The following IPMK variants were observed in gnomAD, a reference collection of about 807,000 sequenced individuals.
The protein encoded by IPMK is inositol 1,3,4,6-tetrakisphosphate 5-kinase.
A neutral mutation model predicts 45.8 loss-of-function variants in IPMK; 17 were observed. The observed-to-expected ratio is 0.37, with a 90% CI of 0.25 to 0.56. IPMK has a LOEUF of 0.56. Among genes scored for constraint, IPMK ranks in the 20% least tolerant of loss-of-function variants. The probability of loss-of-function intolerance (pLI) is 0.79; values close to 1 mark genes in which losing one functional copy is unlikely to be tolerated. For synonymous variants in IPMK, 180 were observed against 184.3 expected (o/e 0.98, Z 0.19); for missense variants, 399 against 498.0 (o/e 0.80, Z 1.89).
intron 4 of IPMK, among the ~76,000 whole-genome samples, chr10:58,203,594 G>A (rs1038984526): frequency 6.6e-6 from 1 of 152,226 alleles, no homozygotes; most frequent in African/African-American, 2.4e-5. Flanking sequence ...GGGATTACTG[G>A]CATAAGCCAC....
intron 3 of IPMK, among the ~76,000 whole-genome samples, 192 bp from the exon 4 acceptor site, chr10:58,216,509 C>T (rs559150950): frequency 6.6e-6 from 1 of 150,888 alleles, no homozygotes; most frequent in African/African-American, 2.4e-5. Flanking sequence ...ATAAACATCA[C>T]AGAGAAGCTC....
chr10:58,230,913 G>A (rs1838506368), intron 2 of IPMK, among the ~76,000 whole-genome samples: 1 of 152,162 alleles, frequency 6.6e-6, no homozygotes, highest in African/African-American at 2.4e-5. Flanking sequence ...CCATCGTAAG[G>A]AAGCTAAAAA....
At chr10:58,256,173 C>A (rs184684074) in intron 1 of IPMK, among the ~76,000 whole-genome samples, 1 of 152,122 alleles carries the variant, frequency 6.6e-6, no homozygotes, top group African/African-American at 2.4e-5. Context: ...TGACTGCCTG[C>A]GGGGCCAGGC....
chr10:58,206,074 A>G (rs920633919), intron 4 of IPMK, among the ~76,000 whole-genome samples: 1 of 152,246 alleles, frequency 6.6e-6, no homozygotes, highest in Non-Finnish European at 1.5e-5. Flanking sequence ...ATGAATGGAT[A>G]AACAAAATGT....
intron 2 of IPMK, among the ~76,000 whole-genome samples, chr10:58,233,032 A>C (rs1838549359): frequency 6.6e-6 from 1 of 152,240 alleles, no homozygotes; most frequent in Non-Finnish European, 1.5e-5. Flanking sequence ...ACCATCAGAG[A>C]ATACGATAAA....
chr10:58,261,043 G>T (rs369006920), intron 1 of IPMK, among the ~76,000 whole-genome samples: 1 of 149,436 alleles, frequency 6.7e-6, no homozygotes, highest in East Asian at 1.9e-4. Context: ...GGATAAACAA[G>T]CCAATGAAAA....
At chr10:58,245,264 G>GC (rs1289914138) in intron 1 of IPMK, among the ~76,000 whole-genome samples, 1 of 151,362 alleles carries the variant, frequency 6.6e-6, no homozygotes, top group Non-Finnish European at 1.5e-5. Context: ...AATGATAGCT[G>GC]CCAGGGGCCA....
chr10:58,198,421 T>G (rs1445308368), intron 5 of IPMK, among the ~76,000 whole-genome samples: 1 of 152,216 alleles, frequency 6.6e-6, no homozygotes, highest in Non-Finnish European at 1.5e-5. Context: ...GGACAGAAAC[T>G]ATTAAAAGAT....
At chr10:58,199,995 G>A (rs1356170313) in intron 4 of IPMK, among the ~76,000 whole-genome samples, 1 of 152,056 alleles carries the variant, frequency 6.6e-6, no homozygotes, top group Non-Finnish European at 1.5e-5. Context: ...TGTAAAAGAA[G>A]ATATCTTTAA....
intron 1 of IPMK, among the ~76,000 whole-genome samples, chr10:58,244,056 C>T (rs1396691851): frequency 6.6e-6 from 1 of 151,822 alleles, no homozygotes; most frequent in Non-Finnish European, 1.5e-5. Flanking sequence ...CTCTGCCCGG[C>T]CGCTCTTCGT....
At chr10:58,208,682 G>A (rs947482425) in intron 4 of IPMK, among the ~76,000 whole-genome samples, 7 of 152,292 alleles carry the variant, frequency 4.6e-5, no homozygotes, top group Admixed American at 1.3e-4. Context: ...GTGTGTGGGT[G>A]AGTTCACTGT....
Position 58,196,567 on chromosome 10 carries a change from G to A in IPMK, c.760C>T (p.Leu254Phe). Reference sequence around the variant, plus strand: ...TGAGATGAACCTTCATAAACAAAGAGTAATGAACTTGCGTAAAAATTAAGC... The same window carrying A: ...TGAGATGAACCTTCATAAACAAAGAATAATGAACTTGCGTAAAAATTAAGC... ...KQLNFYASSL[L>F]FVYEGSSQPT... is the part of the protein sequence containing the mutation. Residue 254 changes from leucine to phenylalanine, a missense_variant, in exon 6 of 6, where the codon CTC becomes TTC. Physicochemically the swap from Leu to Phe is conservative, Grantham distance 22 (BLOSUM62 0). Coordinates refer to ENST00000373935, the MANE Select transcript of IPMK (RefSeq NM_152230.5). 1 of 1,614,070 alleles carries A rather than the reference G, an allele frequency of 6.2e-7. No homozygotes were observed. The highest frequency in any genetic ancestry group is 8.5e-7 in the Non-Finnish European group (1 of 1,180,020).
At chr10:58,198,146 C>T (rs563970358) in intron 5 of IPMK, among the ~76,000 whole-genome samples, 1 of 151,922 alleles carries the variant, frequency 6.6e-6, no homozygotes, top group Non-Finnish European at 1.5e-5. Context: ...TACTAAATAC[C>T]AAACCATAAC....
At chr10:58,211,545 G>A (rs1838159436) in intron 4 of IPMK, among the ~76,000 whole-genome samples, 1 of 151,878 alleles carries the variant, frequency 6.6e-6, no homozygotes, top group South Asian at 2.1e-4. Context: ...TCCATTTACT[G>A]AGACAGGGAA....
intron 1 of IPMK, among the ~76,000 whole-genome samples, chr10:58,262,610 C>T (rs1336048882): frequency 1.3e-5 from 2 of 152,096 alleles, no homozygotes; most frequent in South Asian, 2.1e-4. Context: ...ACCAGGGCTC[C>T]TTGAAGAAAT....
intron 1 of IPMK, among the ~76,000 whole-genome samples, chr10:58,258,196 G>C (rs1318934627): frequency 6.6e-6 from 1 of 152,116 alleles, no homozygotes; most frequent in Non-Finnish European, 1.5e-5. Flanking sequence ...TGTAATCCCA[G>C]CTACTTGGGA....
chr10:58,254,775 G>A (rs1042248346), intron 1 of IPMK, among the ~76,000 whole-genome samples: 3 of 152,218 alleles, frequency 2.0e-5, no homozygotes, highest in Non-Finnish European at 4.4e-5. Flanking sequence ...AGTAAGTACT[G>A]GAACTAAAAC....
chr10:58,193,549 A>C lies in IPMK; in HGVS notation c.*2527T>G, dbSNP rs1837846708. On this transcript the variant is annotated 3_prime_UTR_variant, in exon 6 of 6. Transcript: ENST00000373935. ...CATATTAAAATATCAATTAATGTAA[A>C]TATTATAAAACTATTATACAATTTA... The C allele has an allele frequency of 6.6e-6, 1 of 151,818 alleles. No individual in the cohort carries two copies. The highest frequency in any genetic ancestry group is 1.5e-5 in the Non-Finnish European group (1 of 67,748). 9.4% of individuals were successfully genotyped at this position (151,818 alleles called of 1,614,324 possible).
Position 58,192,016 on chromosome 10 carries a change from A to G in IPMK, c.*4060T>C, listed in dbSNP as rs1411989762. 1.3e-5 allele frequency: 2 copies of G among 152,084 alleles called. No homozygotes were observed. Among genetic ancestry groups the G allele is most frequent in the African/African-American group, 4.8e-5 (2 of 41,450 alleles). 9.4% of individuals were successfully genotyped at this position (152,084 alleles called of 1,614,324 possible). A position where few individuals can be genotyped will look rare whatever the true frequency, so the allele number is the denominator to read the frequency against. ...ACTTTGATGACAAAATCTAAAATTA[A>G]AGAAAAGTCTTAAAAGCCTATAGTG... On this transcript the variant is annotated 3_prime_UTR_variant, in exon 6 of 6. Transcript: ENST00000373935.
Sources: allele counts gnomAD v4.1 joint callset (sites outside exome capture counted in the v4.1 genomes callset), GRCh38; gene constraint gnomAD v4.1.1; transcripts MANE v1.5; gene names NCBI Gene and HGNC (gene_info 2026-07-23, HGNC 2026-07-21).